FAM120B: variants seen among roughly 807,000 people sequenced by gnomAD.
FAM120B encodes family with sequence similarity 120 member B, also known as constitutive coactivator of peroxisome proliferator-activated receptor gamma.
FAM120B carries 83 observed loss-of-function variants against 96.3 expected under a neutral mutation model. That is an observed-to-expected ratio of 0.86 (90% confidence interval 0.72 to 1.03). FAM120B has a LOEUF of 1.03. Among genes scored for constraint, FAM120B ranks in the 50% least tolerant of loss-of-function variants. FAM120B has a pLI of 0.00. For synonymous variants in FAM120B, 407 were observed against 402.7 expected, an observed-to-expected ratio of 1.01 and a Z score of -0.13; for missense variants, 1,027 against 1,121.2, an observed-to-expected ratio of 0.92 and a Z score of 1.20.
chr6:170,395,731 C>A (rs1790692308), intron 9 of FAM120B, 152 bp downstream of exon 9: 1 of 621,868 alleles, frequency 1.6e-6, no homozygotes, highest in Non-Finnish European at 2.9e-6. Context: ...TAATTTTTAT[C>A]ATTTAGTGAA....
intron 3 of FAM120B, among the ~76,000 whole-genome samples, chr6:170,327,517 T>C (rs1349094721): frequency 2.6e-5 from 4 of 152,218 alleles, no homozygotes; most frequent in Non-Finnish European, 5.9e-5. Flanking sequence ...AATTATAGGC[T>C]TTATACACAC....
chr6:170,339,515 G>C (rs370558036), intron 4 of FAM120B, among the ~76,000 whole-genome samples: 5 of 151,954 alleles, frequency 3.3e-5, no homozygotes, highest in African/African-American at 9.7e-5. Context: ...GGGGCCAGGC[G>C]GGGTGGCTCA....
At chr6:170,380,765 G>A (rs1370734895) in intron 6 of FAM120B, among the ~76,000 whole-genome samples, 2 of 152,138 alleles carry the variant, frequency 1.3e-5, no homozygotes, top group Non-Finnish European at 2.9e-5. Context: ...TTAGATGCAT[G>A]GTTTGCAAAT....
chr6:170,367,325 G>T (rs1788863800), intron 6 of FAM120B, among the ~76,000 whole-genome samples: 1 of 152,216 alleles, frequency 6.6e-6, no homozygotes, highest in South Asian at 2.1e-4. Flanking sequence ...AATGGTGTTT[G>T]TTTCTAAATG....
intron 1 of FAM120B, among the ~76,000 whole-genome samples, chr6:170,312,710 C>T (rs1266087300): frequency 7.1e-6 from 1 of 141,310 alleles, no homozygotes; most frequent in South Asian, 2.3e-4. Context: ...TTTGAGGTGC[C>T]GATGTTAAAA....
chr6:170,353,152 T>A (rs1787685941), intron 5 of FAM120B, among the ~76,000 whole-genome samples: 1 of 152,116 alleles, frequency 6.6e-6, no homozygotes, highest in African/African-American at 2.4e-5. Context: ...TGCACACATA[T>A]GCCTTCTTGA....
At chr6:170,401,439 T>C (rs1175405947) in intron 9 of FAM120B, among the ~76,000 whole-genome samples, 1 of 152,048 alleles carries the variant, frequency 6.6e-6, no homozygotes, top group African/African-American at 2.4e-5. Flanking sequence ...CCATCAGGAC[T>C]GAGCTGGAGA....
intron 6 of FAM120B, among the ~76,000 whole-genome samples, chr6:170,360,555 A>G (rs75864504): frequency 1.1e-3 from 173 of 152,316 alleles, no homozygotes; most frequent in African/African-American, 4.0e-3. Flanking sequence ...CAGCCATCAC[A>G]CAGAGGCCAC....
Position 170,317,927 on chromosome 6 carries a change from C to A in FAM120B, c.537C>A (p.Asp179Glu). 6.2e-7 allele frequency: 1 copy of A among 1,614,164 alleles called. No homozygotes were observed. Among genetic ancestry groups the A allele is most frequent in the Non-Finnish European group, 8.5e-7 (1 of 1,180,010 alleles). ...ACTGTCTTGGGATTCTGGGGGAAGA[C>A]ACTGATTACCTAATCTATGACACTT... is the stretch of plus-strand genomic sequence containing the variant. Reference protein sequence around the residue: ...QHNCLGILGEDTDYLIYDTCP... With the variant: ...QHNCLGILGEETDYLIYDTCP... Residue 179 changes from aspartate to glutamate, a missense_variant, in exon 2 of 11, where the codon GAC becomes GAA. Asp to Glu is a conservative substitution (Grantham distance 45). Transcript: ENST00000476287.
rs1485679029 is a variant in FAM120B at position 170,318,919 on chromosome 6, T to C, written c.1529T>C (p.Ile510Thr). ...TGHESKQEVPICTDPISKQED... is the reference protein window; with the variant it reads ...TGHESKQEVPTCTDPISKQED... ...CATGAATCCAAACAGGAAGTTCCCA[T>C]ATGTACAGATCCTATATCCAAGCAA... is the stretch of plus-strand genomic sequence containing the variant. The change falls in exon 2 of 11, where the codon ATA becomes ACA. Residue 510 changes from isoleucine to threonine, a missense_variant. Transcript: ENST00000476287. The C allele has an allele frequency of 6.2e-7, 1 of 1,614,184 alleles. No individual in the cohort carries two copies. The highest frequency in any genetic ancestry group is 1.3e-5 in the African/African-American group (1 of 75,058).
chr6:170,375,693 A>G (rs910780447), intron 6 of FAM120B, among the ~76,000 whole-genome samples: 2 of 152,214 alleles, frequency 1.3e-5, no homozygotes, highest in Non-Finnish European at 2.9e-5. Flanking sequence ...AGATATGGCA[A>G]GGAGGTCCTT....
At chr6:170,296,483 A>G (rs1395051334) in intron 1 of FAM120B, among the ~76,000 whole-genome samples, 2 of 151,736 alleles carry the variant, frequency 1.3e-5, no homozygotes, top group Non-Finnish European at 2.9e-5. Flanking sequence ...GGTGGACCCC[A>G]GTCGCCGTCG....
rs79518200 is a variant in FAM120B, at chr6:170,320,036, A to G, written c.1734+912A>G. Among the ~76,000 whole-genome samples the G allele has an allele frequency of 3.5e-3, 537 of 152,326 alleles. 2 individuals are homozygous for G. The highest frequency in any genetic ancestry group is 0.012 in the African/African-American group (489 of 41,564). Reference sequence around the variant, plus strand: ...TAACTTTTCTCATTAGATCTTCTCAACAGCCCTGTGAGATAGACTTATCCT... The same window carrying G: ...TAACTTTTCTCATTAGATCTTCTCAGCAGCCCTGTGAGATAGACTTATCCT... On this transcript the variant is annotated intron_variant, in intron 2 of 10. Coordinates refer to ENST00000476287, the MANE Select transcript of FAM120B (RefSeq NM_032448.3).
At chr6:170,313,837 T>C (rs1363532729) in intron 1 of FAM120B, among the ~76,000 whole-genome samples, 2 of 152,164 alleles carry the variant, frequency 1.3e-5, no homozygotes, top group African/African-American at 2.4e-5. Context: ...TGGGGGTCTG[T>C]TAAGGTGGTT....
At chr6:170,401,490 G>A (rs1778582469) in intron 9 of FAM120B, among the ~76,000 whole-genome samples, 1 of 152,150 alleles carries the variant, frequency 6.6e-6, no homozygotes, top group African/African-American at 2.4e-5. Context: ...GAGGCTCTGA[G>A]GATAGAAGCT....
At chr6:170,397,795 A>G (rs1249549603) in intron 9 of FAM120B, among the ~76,000 whole-genome samples, 1 of 152,172 alleles carries the variant, frequency 6.6e-6, no homozygotes, top group African/African-American at 2.4e-5. Context: ...AACCTTGATG[A>G]CATGAAAGCT....
At chr6:170,334,118 G>A (rs1052539245) in intron 4 of FAM120B, among the ~76,000 whole-genome samples, 1 of 152,142 alleles carries the variant, frequency 6.6e-6, no homozygotes, top group African/African-American at 2.4e-5. Flanking sequence ...CAAAGTGCTG[G>A]TGGCTTTTTT....
chr6:170,373,307 A>G lies in FAM120B; in HGVS notation c.2284-14980A>G, dbSNP rs1301669059. On this transcript the variant is annotated intron_variant, in intron 6 of 10. Transcript: ENST00000476287. ...TTACGAATTTTATTCATTGGGTTGG[A>G]CAAGCCAAAGGCCATACCTTTCAAT... is the stretch of plus-strand genomic sequence containing the variant. Among the ~76,000 whole-genome samples, 3 of 152,178 alleles carry G rather than the reference A, an allele frequency of 2.0e-5. No homozygotes were observed. The East Asian group carries it at 5.8e-4, about 29-fold the overall frequency.
intron 6 of FAM120B, among the ~76,000 whole-genome samples, chr6:170,368,601 G>A (rs1376214430): frequency 6.6e-6 from 1 of 152,204 alleles, no homozygotes; most frequent in Non-Finnish European, 1.5e-5. Context: ...CAAGTTCACA[G>A]AAGAAATACA....
Sources: allele counts gnomAD v4.1 joint callset (sites outside exome capture counted in the v4.1 genomes callset), GRCh38; gene constraint gnomAD v4.1.1; transcripts MANE v1.5; gene names NCBI Gene and HGNC (gene_info 2026-07-23, HGNC 2026-07-21).